The following REPS2 variants were observed in gnomAD, a reference collection of about 807,000 sequenced individuals.
The protein encoded by REPS2 is ralBP1-associated Eps domain-containing protein 2.
Under a neutral mutation model 53.6 loss-of-function variants are expected in REPS2, and 23 were observed. The ratio of observed to expected loss-of-function variants is 0.43; its 90% CI spans 0.31 to 0.61. The LOEUF (loss-of-function observed/expected upper bound fraction) is 0.61, where lower values mean the gene tolerates loss of function less well. Ranked by LOEUF, REPS2 falls within the 20% of genes least tolerant of loss-of-function variation. The pLI is 0.11. For synonymous variants in REPS2, 238 were observed against 218.6 expected, an observed-to-expected ratio of 1.09 and a Z score of -0.78; for missense variants, 446 against 534.9, an observed-to-expected ratio of 0.83 and a Z score of 1.64.
intron 5 of REPS2, among the ~76,000 whole-genome samples, chrX:17,042,940 T>G (rs1048194039): frequency 2.7e-5 from 3 of 110,788 alleles, no homozygotes; most frequent in Non-Finnish European, 5.7e-5. Flanking sequence ...GAACTACAAG[T>G]GCATGCCACC....
intron 14 of REPS2, among the ~76,000 whole-genome samples, chrX:17,128,155 G>A (rs1442396597): frequency 9.0e-6 from 1 of 110,652 alleles, no homozygotes; most frequent in Non-Finnish European, 1.9e-5. Context: ...AGAACCCTGA[G>A]ATGAGGATTC....
At chrX:17,040,362 T>G (rs1445862395) in intron 5 of REPS2, among the ~76,000 whole-genome samples, 1 of 112,491 alleles carries the variant, frequency 8.9e-6, no homozygotes, top group Non-Finnish European at 1.9e-5. Flanking sequence ...AGGTTAACCT[T>G]TCTCTGTCTC....
At position 17,138,852 on chromosome X, in the gene REPS2, A is replaced by G. The variant is rs1394660148; in HGVS notation, c.1809-4A>G. 6.0e-6 allele frequency: 7 copies of G among 1,176,207 alleles called. No individual in the cohort carries two copies. The highest frequency in any genetic ancestry group is 2.4e-4 in the Middle Eastern group (1 of 4,245). On this transcript the variant is annotated splice_polypyrimidine_tract_variant and splice_region_variant and intron_variant, in intron 16 of 17. Coordinates refer to ENST00000357277, the MANE Select transcript of REPS2 (RefSeq NM_004726.3). ...TTCACTGAAGTGTTTGTGCTTTTCT[A>G]TAGGCAGTCTTCCAAACAGAAGAAG...
intron 12 of REPS2, chrX:17,074,605 T>G (rs776382934): frequency 1.1e-4 from 13 of 115,358 alleles, no homozygotes; most frequent in Admixed American, 5.6e-4. Context: ...GCTTGCAGTT[T>G]CAGGTAAGCG....
chrX:17,052,212 T>G (rs1451273690), intron 6 of REPS2, among the ~76,000 whole-genome samples, 170 bp from the exon 7 acceptor site: 1 of 112,590 alleles, frequency 8.9e-6, no homozygotes, highest in Non-Finnish European at 1.9e-5. Context: ...AAAAAGCTAT[T>G]CATGTGTTGC....
chrX:17,185,432 C>A, the REPS2 span, among the ~76,000 whole-genome samples: 1 of 111,664 alleles, frequency 9.0e-6, no homozygotes, highest in African/African-American at 3.3e-5. Context: ...GCATGGCAGC[C>A]AGTATTGCAT....
intron 11 of REPS2, among the ~76,000 whole-genome samples, chrX:17,071,628 C>T (rs1602918400): frequency 9.0e-6 from 1 of 111,628 alleles, no homozygotes; most frequent in Non-Finnish European, 1.9e-5. Context: ...ATAGTTAATC[C>T]CTCCTTTTCT....
chrX:17,100,594 A>G (rs1379302757), intron 13 of REPS2, among the ~76,000 whole-genome samples: 1 of 112,642 alleles, frequency 8.9e-6, no homozygotes, highest in Non-Finnish European at 1.9e-5. Context: ...CAACATACCT[A>G]CAGCAAACAC....
chrX:17,038,158 A>G (rs1423481711), intron 5 of REPS2, among the ~76,000 whole-genome samples: 4 of 112,554 alleles, frequency 3.6e-5, no homozygotes, highest in African/African-American at 1.3e-4. Context: ...GAGGAGATAG[A>G]TTTGAATCAA....
chrX:17,170,144 G>T, the REPS2 span, among the ~76,000 whole-genome samples: 509 of 112,661 alleles, frequency 4.5e-3, 4 homozygotes, highest in Middle Eastern at 9.1e-3. Context: ...ATGAATGTTG[G>T]CACCATCACA....
intron 8 of REPS2, among the ~76,000 whole-genome samples, chrX:17,061,947 G>A (rs186587009): frequency 1.4e-4 from 16 of 112,147 alleles, no homozygotes; most frequent in Non-Finnish European, 1.1e-4. Context: ...TAAATATTTC[G>A]TAAAATCATG....
At chrX:17,106,473 G>A (rs1202782541) in intron 14 of REPS2, among the ~76,000 whole-genome samples, 1 of 107,941 alleles carries the variant, frequency 9.3e-6, no homozygotes, top group Non-Finnish European at 1.9e-5. Flanking sequence ...GAGTGCAGTG[G>A]GGTGATCTCA....
chrX:17,034,880 TAGGGG>T (rs1381310746), intron 5 of REPS2, among the ~76,000 whole-genome samples: 1 of 111,461 alleles, frequency 9.0e-6, no homozygotes, highest in Non-Finnish European at 1.9e-5. Flanking sequence ...AATGATCAGG[TAGGGG>T]AGGGGATGTT....
chrX:17,171,500 T>C, the REPS2 span, among the ~76,000 whole-genome samples: 1 of 111,740 alleles, frequency 8.9e-6, no homozygotes, highest in Non-Finnish European at 1.9e-5. Context: ...AGATTCCTTC[T>C]AATATCTGAA....
At chrX:17,084,971 A>G (rs903061536) in intron 13 of REPS2, among the ~76,000 whole-genome samples, 1 of 111,910 alleles carries the variant, frequency 8.9e-6, no homozygotes, top group Non-Finnish European at 1.9e-5. Context: ...AAGGTCACAA[A>G]CACTCCTCTT....
chrX:16,987,603 G>A (rs1484198936), intron 1 of REPS2, among the ~76,000 whole-genome samples: 19 of 111,807 alleles, frequency 1.7e-4, no homozygotes, highest in African/African-American at 6.2e-4. Context: ...AACTTTTTCT[G>A]TAAATGCCAG....
chrX:17,155,487 T>A (rs1301267359), downstream of REPS2, among the ~76,000 whole-genome samples: 4 of 111,384 alleles, frequency 3.6e-5, no homozygotes, highest in Admixed American at 3.8e-4. Context: ...AGCAGATGGA[T>A]GTGGAATATG....
chrX:16,961,778 C>G (rs1278137458), intron 1 of REPS2, among the ~76,000 whole-genome samples: 4 of 111,986 alleles, frequency 3.6e-5, no homozygotes, highest in Non-Finnish European at 7.5e-5. Context: ...ATATAAGGAA[C>G]TCCCAGAACT....
the REPS2 span, among the ~76,000 whole-genome samples, chrX:17,193,490 G>A: frequency 1.8e-5 from 2 of 111,139 alleles, no homozygotes; most frequent in African/African-American, 6.5e-5. Flanking sequence ...CAGCATTGCA[G>A]TCCAAAAGTG....
Sources: gnomAD v4.1 joint callset for allele counts (sites outside exome capture counted in the v4.1 genomes callset) on GRCh38, gnomAD v4.1.1 for gene constraint, MANE v1.5 for transcripts, NCBI Gene and HGNC (gene_info 2026-07-23, HGNC 2026-07-21) for gene names.